Variants in ASPH observed in about 807,000 individuals in gnomAD.
ASPH encodes aspartyl/asparaginyl beta-hydroxylase.
A neutral mutation model predicts 118.4 loss-of-function variants in ASPH; 100 were observed. That is an observed-to-expected ratio of 0.84 (90% CI 0.72 to 1.00). The LOEUF is 1.00. Among genes scored for constraint, ASPH ranks in the 50% least tolerant of loss-of-function variants. The pLI, the probability that ASPH is intolerant of heterozygous loss-of-function variation, is 0.00. For synonymous variants in ASPH, 315 were observed against 325.6 expected (o/e 0.97, Z 0.35); for missense variants, 920 against 919.5 (o/e 1.00, Z -0.01).
intron 3 of ASPH, among the ~76,000 whole-genome samples, chr8:61,670,998 A>G (rs1169311781): frequency 6.6e-6 from 1 of 152,148 alleles, no homozygotes; most frequent in Non-Finnish European, 1.5e-5. Flanking sequence ...CATGCCCCCG[A>G]CAGAGGCTCA....
intron 11 of ASPH, 146 bp downstream of exon 11, chr8:61,638,176 T>C (rs567816800): frequency 8.3e-7 from 1 of 1,208,034 alleles, no homozygotes; most frequent in Non-Finnish European, 1.2e-6. Flanking sequence ...ATATTAACTT[T>C]AATTTTGATA....
intron 14 of ASPH, among the ~76,000 whole-genome samples, chr8:61,618,444 T>C (rs1276789248): frequency 1.3e-5 from 2 of 152,234 alleles, no homozygotes; most frequent in African/African-American, 4.8e-5. Context: ...TCTTTCTGCA[T>C]AGCTGTAACT....
chr8:61,551,848 A>G (rs1381174196), intron 20 of ASPH, among the ~76,000 whole-genome samples: 1 of 152,234 alleles, frequency 6.6e-6, no homozygotes, highest in African/African-American at 2.4e-5. Flanking sequence ...ACTACTAATC[A>G]GCAATTTCTT....
At chr8:61,663,455 G>A (rs770718117) in intron 3 of ASPH, 69 of 985,292 alleles carry the variant, frequency 7.0e-5, no homozygotes, top group Non-Finnish European at 8.2e-5. Flanking sequence ...TCAAGTGGTA[G>A]CATCTCCAAA....
chr8:61,679,194 G>A (rs1826746882), intron 3 of ASPH, among the ~76,000 whole-genome samples: 1 of 152,114 alleles, frequency 6.6e-6, no homozygotes, highest in Non-Finnish European at 1.5e-5. Context: ...TACAGGAAGA[G>A]TAAAAAAGTA....
At chr8:61,544,135 C>A (rs1010968639) in intron 21 of ASPH, among the ~76,000 whole-genome samples, 1 of 152,128 alleles carries the variant, frequency 6.6e-6, no homozygotes. Context: ...TTTGAGATTG[C>A]CAGTTTTCAA....
chr8:61,580,248 C>T (rs1324732003), intron 15 of ASPH, among the ~76,000 whole-genome samples: 1 of 152,232 alleles, frequency 6.6e-6, no homozygotes, highest in African/African-American at 2.4e-5. Flanking sequence ...CTTCTCACAA[C>T]TCCACTAGGC....
At chr8:61,556,732 C>G (rs573099006) in intron 18 of ASPH, among the ~76,000 whole-genome samples, 11 of 152,176 alleles carry the variant, frequency 7.2e-5, no homozygotes, top group Non-Finnish European at 1.5e-4. Context: ...ACTTGAAAAG[C>G]TACTTAGACA....
intron 21 of ASPH, among the ~76,000 whole-genome samples, chr8:61,530,203 C>T (rs1229404236): frequency 6.6e-6 from 1 of 152,192 alleles, no homozygotes; most frequent in Non-Finnish European, 1.5e-5. Context: ...TCCCTTGACT[C>T]TAAACTCATC....
chr8:61,648,064 C>A (rs7830027), intron 5 of ASPH, among the ~76,000 whole-genome samples: 21,912 of 152,186 alleles, frequency 0.14, 1,613 homozygotes, highest in African/African-American at 0.19. Flanking sequence ...TAGATTCAGG[C>A]TCTTCCATAC....
intron 21 of ASPH, among the ~76,000 whole-genome samples, chr8:61,529,393 T>A (rs1220537221): frequency 6.6e-6 from 1 of 152,170 alleles, no homozygotes; most frequent in Non-Finnish European, 1.5e-5. Context: ...GCAGAGGGCA[T>A]GCCACCAAGA....
At chr8:61,566,437 G>T (rs1042166220) in intron 17 of ASPH, among the ~76,000 whole-genome samples, 4 of 152,198 alleles carry the variant, frequency 2.6e-5, no homozygotes. Flanking sequence ...ATGTACTCCT[G>T]GTGAAGATGC....
At chr8:61,529,977 A>T (rs1430456813) in intron 21 of ASPH, among the ~76,000 whole-genome samples, 1 of 152,204 alleles carries the variant, frequency 6.6e-6, no homozygotes, top group Non-Finnish European at 1.5e-5. Context: ...TCAATAGATG[A>T]ATGTGGGGGA....
intron 3 of ASPH, among the ~76,000 whole-genome samples, chr8:61,671,517 T>C (rs1195777773): frequency 6.6e-6 from 1 of 152,192 alleles, no homozygotes; most frequent in Non-Finnish European, 1.5e-5. Flanking sequence ...TAGAATATAT[T>C]CCAATTTAAG....
chr8:61,595,744 C>T (rs1842342181), intron 14 of ASPH, among the ~76,000 whole-genome samples: 1 of 152,196 alleles, frequency 6.6e-6, no homozygotes, highest in African/African-American at 2.4e-5. Flanking sequence ...GGCCTGGATG[C>T]ACCATCAGGA....
chr8:61,574,491 A>T (rs1260466615), intron 16 of ASPH, among the ~76,000 whole-genome samples: 1 of 152,236 alleles, frequency 6.6e-6, no homozygotes, highest in Non-Finnish European at 1.5e-5. Context: ...AATGTGGCAC[A>T]TATACACCAT....
intron 14 of ASPH, among the ~76,000 whole-genome samples, chr8:61,589,850 T>A (rs984019121): frequency 6.6e-6 from 1 of 152,156 alleles, no homozygotes; most frequent in Admixed American, 6.5e-5. Flanking sequence ...AACTAATAGT[T>A]AGAGGAATAT....
intron 16 of ASPH, among the ~76,000 whole-genome samples, chr8:61,574,464 A>G (rs915231970): frequency 3.3e-5 from 5 of 152,350 alleles, no homozygotes; most frequent in Middle Eastern, 3.4e-3. Flanking sequence ...CCCATCAATG[A>G]TAGACTGGAT....
chr8:61,551,210 C>G (rs546307459), intron 20 of ASPH, among the ~76,000 whole-genome samples: 1 of 152,302 alleles, frequency 6.6e-6, no homozygotes. Context: ...CCTGCCCATA[C>G]TAAACGGACC....
Sources: allele counts gnomAD v4.1 joint callset (sites outside exome capture counted in the v4.1 genomes callset), GRCh38; gene constraint gnomAD v4.1.1; transcripts MANE v1.5; gene names NCBI Gene and HGNC (gene_info 2026-07-23, HGNC 2026-07-21).